The following NEB variants were observed in gnomAD, a reference collection of about 807,000 sequenced individuals.
NEB encodes nemaline myopathy type 2.
NEB carries 512 observed loss-of-function variants against 952.2 expected under a neutral mutation model. The observed-to-expected ratio is 0.54, with a 90% CI of 0.50 to 0.58. NEB has a LOEUF of 0.58. Ranked by LOEUF, NEB falls within the 20% of genes least tolerant of loss-of-function variation. The pLI is 0.00. For synonymous variants in NEB, 2,900 were observed against 3,149.8 expected, an observed-to-expected ratio of 0.92 and a Z score of 2.66; for missense variants, 8,428 against 9,231.1, an observed-to-expected ratio of 0.91 and a Z score of 3.56.
chr2:151,713,397 C>T (rs1209727931), intron 10 of NEB, among the ~76,000 whole-genome samples: 1 of 152,170 alleles, frequency 6.6e-6, no homozygotes, highest in Non-Finnish European at 1.5e-5. Context: ...ACACTGCCTG[C>T]TTGACTCAAT....
At chr2:151,673,597 C>T (rs1258094697) in intron 36 of NEB, among the ~76,000 whole-genome samples, 2 of 151,974 alleles carry the variant, frequency 1.3e-5, no homozygotes. Context: ...GTTTTTACAC[C>T]TCTATTTCCT....
At chr2:151,692,716 T>C (rs1292295251) in intron 20 of NEB, among the ~76,000 whole-genome samples, 1 of 152,202 alleles carries the variant, frequency 6.6e-6, no homozygotes, top group East Asian at 1.9e-4. Flanking sequence ...ACACCTGTCA[T>C]CACAGCACTT....
rs1553641943 is a variant in NEB, at chr2:151,524,544, CCTT to C, written c.22342_22344del (p.Lys7448del). 1 of 1,612,700 alleles carries C rather than the reference CCTT, an allele frequency of 6.2e-7. No individual in the cohort carries two copies. The highest frequency in any genetic ancestry group is 1.3e-5 in the African/African-American group (1 of 74,760). ...CTGGCCTGTTTGGCTGCCTGTGTGGCCTTCTTGATGTCTGGTCGATCAGCCACT... is the reference window on the plus strand; with the variant it reads ...CTGGCCTGTTTGGCTGCCTGTGTGGCCTTGATGTCTGGTCGATCAGCCACT... On this transcript the variant is annotated inframe_deletion, in exon 152 of 182. Transcript: ENST00000397345.
chr2:151,708,511 C>T (rs2099730354), intron 12 of NEB, among the ~76,000 whole-genome samples: 1 of 152,090 alleles, frequency 6.6e-6, no homozygotes, highest in African/African-American at 2.4e-5. Context: ...CCTCATCTTA[C>T]ATATATGTTC....
rs997604821 is a variant in NEB at position 151,656,079 on chromosome 2, G to A, written c.6496-56C>T. On this transcript the variant is annotated intron_variant, in intron 49 of 181. Transcript: ENST00000397345. ...TCTTATCCATTTAGACACAAACCAT[G>A]GCATGTAAACAGACTGTGATCTCCC... is the stretch of plus-strand genomic sequence containing the variant. 166 of 1,590,604 alleles carry A rather than the reference G, an allele frequency of 1.0e-4. No individual in the cohort carries two copies. In the Admixed American group the frequency reaches 2.7e-3, roughly 26 times the overall value.
Position 151,572,820 on chromosome 2 carries a change from G to C in NEB, c.17014-2219C>G, listed in dbSNP as rs187121305. On this transcript the variant is annotated intron_variant, in intron 107 of 181. Coordinates refer to ENST00000397345, the MANE Select transcript of NEB (RefSeq NM_001164508.2). ...CCTCCTCAGCCTCCCAAAGTGCTGG[G>C]ATTACAGGCATGAGCCACCATGCCC... Among the ~76,000 whole-genome samples the C allele has an allele frequency of 3.3e-3, 493 of 148,276 alleles. 3 individuals are homozygous for C. The highest frequency in any genetic ancestry group is 5.1e-3 in the Non-Finnish European group (346 of 67,452).
At chr2:151,578,370 T>G (rs951561482) in intron 105 of NEB, among the ~76,000 whole-genome samples, 1 of 150,646 alleles carries the variant, frequency 6.6e-6, no homozygotes, top group Non-Finnish European at 1.5e-5. Context: ...GATTCATAGC[T>G]GAAGGACCAT....
chr2:151,613,881 A>C (rs1202163578), intron 77 of NEB, among the ~76,000 whole-genome samples: 1 of 152,196 alleles, frequency 6.6e-6, no homozygotes, highest in Non-Finnish European at 1.5e-5. Flanking sequence ...GCCCATGGAA[A>C]TGTAAGTCAA....
In NEB at chr2:151,533,479, A is replaced by C. The variant is rs561915220; in HGVS notation, c.21380T>G (p.Met7127Arg). Residue 7127 changes from methionine (M) to arginine (R), a missense_variant, in exon 143 of 182, where the codon ATG (methionine) becomes AGG (arginine). Around this residue, in one of 11 missense-constraint regions of NEB, gnomAD observed 3,374 missense variants for 3,651.5 expected, o/e 0.92. Transcript: ENST00000397345. ...HGCNEILRPDMLTALYNSHMW... is the reference protein window; with the variant it reads ...HGCNEILRPDRLTALYNSHMW... ...ATGCGAATTGTAGAGAGCAGTCAAC[A>C]TATCTGGACGCAGAATTTCATTACA... 1 of 1,551,548 alleles carries C rather than the reference A, an allele frequency of 6.4e-7. No homozygotes were observed. Among genetic ancestry groups the C allele is most frequent in the African/African-American group, 1.4e-5 (1 of 73,062 alleles).
At chr2:151,489,674 G>A (rs1013832633) in intron 181 of NEB, among the ~76,000 whole-genome samples, 1 of 152,110 alleles carries the variant, frequency 6.6e-6, no homozygotes, top group Non-Finnish European at 1.5e-5. Flanking sequence ...TGGCATTATA[G>A]GCATGATTCA....
At chr2:151,553,783 G>A (rs776416998) in intron 126 of NEB, 45 bp downstream of exon 126, 43 of 1,537,436 alleles carry the variant, frequency 2.8e-5, no homozygotes, top group African/African-American at 8.2e-5. Context: ...GGGTGGGGCC[G>A]TGGGGCGGGG....
intron 168 of NEB, 114 bp from the exon 169 acceptor site, chr2:151,499,504 T>TCAA (rs2062828594): frequency 1.5e-6 from 1 of 648,792 alleles, no homozygotes; most frequent in African/African-American, 1.8e-5. Flanking sequence ...AAAGACAGAT[T>TCAA]CAACAAGTCA....
Position 151,561,005 on chromosome 2 carries a change from C to T in NEB, c.19205G>A (p.Ser6402Asn). Residue 6402 changes from serine (S) to asparagine (N), a missense_variant and splice_region_variant, in exon 123 of 182, where the codon AGT becomes AAT. Ser to Asn is a conservative substitution (Grantham distance 46). Coordinates refer to ENST00000397345, the MANE Select transcript of NEB (RefSeq NM_001164508.2). ...RTRNLKNLYS[S>N]NLYKEAWDRV... ...AGGGGGAAAAAAAACTCAACTCACA[C>T]TGCTGTAAAGATTCTTCAGGTTTCT... is the stretch of plus-strand genomic sequence containing the variant. 6.3e-7 allele frequency: 1 copy of T among 1,592,846 alleles called. No homozygotes were observed. Among genetic ancestry groups the T allele is most frequent in the Non-Finnish European group, 8.6e-7 (1 of 1,163,246 alleles).
intron 11 of NEB, 138 bp from the exon 12 acceptor site, chr2:151,709,901 G>A: frequency 1.5e-6 from 1 of 648,644 alleles, no homozygotes; most frequent in South Asian, 1.8e-5. Flanking sequence ...TACAATTAGA[G>A]AATGTGGTAC....
chr2:151,514,363 T>G lies in NEB; in HGVS notation c.23082A>C (p.Thr7694=), dbSNP rs2153304822. The G allele has an allele frequency of 4.3e-6, 7 of 1,613,868 alleles. No individual in the cohort carries two copies. The highest frequency in any genetic ancestry group is 5.9e-6 in the Non-Finnish European group (7 of 1,179,776). ...CATTCTTTGCTCTTAGCATGTCAGG[T>G]GTATCTTCCATTTCAGTGAGGCCCT... ...RGKGLTEMED[T]PDMLRAKNAT... The change falls in exon 159 of 182, where the codon ACA becomes ACC. Residue 7694 remains threonine (T), a synonymous_variant. Transcript: ENST00000397345.
rs151338614 is a variant in NEB, at chr2:151,490,380, A to G, written c.25289T>C (p.Val8430Ala). 195 of 1,589,496 alleles carry G rather than the reference A, an allele frequency of 1.2e-4. No individual in the cohort carries two copies. The African/African-American group carries it at 2.4e-3, about 19-fold the overall frequency. Reference sequence around the variant, plus strand: ...GCGCCAGGCACTTGTACCTGTTGAGACTGCAAAGACACCCCCGTCGCTGTA... The same window carrying G: ...GCGCCAGGCACTTGTACCTGTTGAGGCTGCAAAGACACCCCCGTCGCTGTA... ...STYSDGGVFA[V>A]STAYKHAKTT... is the part of the protein sequence containing the mutation. The change falls in exon 180 of 182, where the codon GTC becomes GCC. Residue 8430 changes from valine (V) to alanine (A), a missense_variant. Around this residue, in one of 11 missense-constraint regions of NEB, gnomAD observed 3,374 missense variants for 3,651.5 expected, o/e 0.92. Coordinates refer to ENST00000397345, the MANE Select transcript of NEB (RefSeq NM_001164508.2).
chr2:151,649,821 G>GT (rs762857286), intron 54 of NEB, among the ~76,000 whole-genome samples: 18 of 152,148 alleles, frequency 1.2e-4, no homozygotes, highest in Non-Finnish European at 2.2e-4. Flanking sequence ...CACATCCATT[G>GT]TGCCTGTGTA....
In NEB at chr2:151,537,918, C is replaced by T. The variant is rs377443184; in HGVS notation, c.21056G>A (p.Arg7019His). Reference protein sequence around the residue: ...QLGIWRSIPDRPEHFHHRAVT... With the variant: ...QLGIWRSIPDHPEHFHHRAVT... ...TGCTCGGTGGTGGAAATGCTCTGGACGATCAGGAATGGACCTCCAGATACC... is the reference window on the plus strand; with the variant it reads ...TGCTCGGTGGTGGAAATGCTCTGGATGATCAGGAATGGACCTCCAGATACC... Residue 7019 changes from arginine to histidine, a missense_variant, in exon 140 of 182, where the codon CGT becomes CAT. By Grantham distance (29) the Arg-to-His change is conservative. Around this residue, in one of 11 missense-constraint regions of NEB, gnomAD observed 3,374 missense variants for 3,651.5 expected, o/e 0.92. Transcript: ENST00000397345. 3.2e-5 allele frequency: 51 copies of T among 1,613,016 alleles called. No homozygotes were observed. Among genetic ancestry groups the T allele is most frequent in the African/African-American group, 1.9e-4 (14 of 74,966 alleles).
intron 174 of NEB, 22 bp from the exon 175 acceptor site, chr2:151,493,889 C>A (rs1277273626): frequency 1.4e-6 from 2 of 1,434,878 alleles, no homozygotes; most frequent in African/African-American, 2.9e-5. Context: ...AAAGTCATGC[C>A]CGAAAGTCAC....
Sources: gnomAD v4.1 joint callset for allele counts (sites outside exome capture counted in the v4.1 genomes callset) on GRCh38, gnomAD v4.1.1 for gene constraint, gnomAD v4.1.1 regional missense constraint, MANE v1.5 for transcripts, NCBI Gene and HGNC (gene_info 2026-07-23, HGNC 2026-07-21) for gene names.